Variants in LRRC4C observed in about 807,000 individuals in gnomAD.
LRRC4C encodes leucine rich repeat containing 4C, also known as leucine-rich repeat-containing protein 4C.
A neutral mutation model predicts 33.6 loss-of-function variants in LRRC4C; 5 were observed. The ratio of observed to expected loss-of-function variants is 0.15; its 90% CI spans 0.08 to 0.31. The LOEUF (loss-of-function observed/expected upper bound fraction) is 0.31, where lower values mean the gene tolerates loss of function less well. Ranked by LOEUF, LRRC4C falls within the 10% of genes least tolerant of loss-of-function variation. The pLI is 1.00. For synonymous variants in LRRC4C, 329 were observed against 302.0 expected, an observed-to-expected ratio of 1.09 and a Z score of -0.93; for missense variants, 560 against 796.7, an observed-to-expected ratio of 0.70 and a Z score of 3.58.
rs111471445 is a variant in LRRC4C at position 40,500,495 on chromosome 11, C to T, written c.-270+147647G>A. On this transcript the variant is annotated intron_variant, in intron 3 of 6. Coordinates refer to ENST00000528697, the MANE Select transcript of LRRC4C (RefSeq NM_001258419.2). ...AAATCAGTTTAATGGTGTCACAGTTCCACGTGGCTCAGGAGGCCTCACAAT... is the reference window on the plus strand; with the variant it reads ...AAATCAGTTTAATGGTGTCACAGTTTCACGTGGCTCAGGAGGCCTCACAAT... 6.6e-3 allele frequency among the ~76,000 whole-genome samples: 1,010 copies of T among 151,964 alleles called. 17 individuals are homozygous for T. The highest frequency in any genetic ancestry group is 0.023 in the African/African-American group (969 of 41,432).
intron 2 of LRRC4C, among the ~76,000 whole-genome samples, chr11:40,860,004 T>A (rs1953996008): frequency 6.6e-6 from 1 of 151,856 alleles, no homozygotes; most frequent in Admixed American, 6.6e-5. Flanking sequence ...GAGAATGGCG[T>A]GAACCCGGGA....
At chr11:40,547,099 T>G (rs1956954971) in intron 3 of LRRC4C, among the ~76,000 whole-genome samples, 1 of 152,172 alleles carries the variant, frequency 6.6e-6, no homozygotes, top group Non-Finnish European at 1.5e-5. Context: ...GTTGCTTTAT[T>G]ATAGTAATGC....
rs78089702 is a variant in LRRC4C, at chr11:40,286,592, G to A, written c.-176+33036C>T. On this transcript the variant is annotated intron_variant, in intron 4 of 6. Coordinates refer to ENST00000528697, the MANE Select transcript of LRRC4C (RefSeq NM_001258419.2). The stretch of plus-strand genomic sequence containing the variant: ...ATAAAAGTAAAGCAAAACACTCACA[G>A]AATCTTAAATGTTAAATCTTCCCAT... Among the ~76,000 whole-genome samples the A allele has an allele frequency of 3.1e-3, 478 of 152,202 alleles. 5 individuals carry two copies. The highest frequency in any genetic ancestry group is 0.011 in the African/African-American group (462 of 41,530).
chr11:40,824,596 C>G (rs1313261190), intron 2 of LRRC4C, among the ~76,000 whole-genome samples: 1 of 151,854 alleles, frequency 6.6e-6, no homozygotes, highest in Non-Finnish European at 1.5e-5. Flanking sequence ...TATTATTACT[C>G]ATCTAAATTC....
At chr11:40,700,968 T>C (rs1478046174) in intron 2 of LRRC4C, among the ~76,000 whole-genome samples, 4 of 152,036 alleles carry the variant, frequency 2.6e-5, no homozygotes, top group Non-Finnish European at 5.9e-5. Context: ...AACTGGAGAG[T>C]ACATATTTTC....
intron 2 of LRRC4C, among the ~76,000 whole-genome samples, chr11:40,737,443 A>T (rs752911009): frequency 3.9e-5 from 6 of 152,172 alleles, no homozygotes; most frequent in Non-Finnish European, 8.8e-5. Context: ...CTGTTTGCAG[A>T]TGACATGATT....
chr11:40,864,067 T>TTTA (rs1954234882), intron 2 of LRRC4C, among the ~76,000 whole-genome samples: 1 of 152,038 alleles, frequency 6.6e-6, no homozygotes, highest in African/African-American at 2.4e-5. Flanking sequence ...TTTATATTTA[T>TTTA]TTATTTATTT....
chr11:41,160,422 G>A (rs1054587548), intron 1 of LRRC4C, among the ~76,000 whole-genome samples: 2 of 151,322 alleles, frequency 1.3e-5, no homozygotes, highest in Non-Finnish European at 2.9e-5. Context: ...ACACATGGAA[G>A]TAAGATTATT....
intron 1 of LRRC4C, among the ~76,000 whole-genome samples, chr11:41,377,659 T>C (rs1375244843): frequency 6.6e-6 from 1 of 152,144 alleles, no homozygotes; most frequent in African/African-American, 2.4e-5. Flanking sequence ...TTAGAAAACA[T>C]AGATGATCCT....
At chr11:41,383,090 C>G (rs1249567835) in intron 1 of LRRC4C, among the ~76,000 whole-genome samples, 2 of 152,096 alleles carry the variant, frequency 1.3e-5, no homozygotes, top group South Asian at 4.1e-4. Flanking sequence ...GACACCAAGA[C>G]AGCTTGTGCA....
intron 5 of LRRC4C, among the ~76,000 whole-genome samples, chr11:40,200,409 C>T (rs371970786): frequency 1.3e-5 from 2 of 151,062 alleles, no homozygotes; most frequent in South Asian, 2.1e-4. Flanking sequence ...GTACTTAGAA[C>T]ACACTGCTTC....
chr11:40,616,624 G>A (rs551812767), intron 3 of LRRC4C, among the ~76,000 whole-genome samples: 2 of 151,756 alleles, frequency 1.3e-5, no homozygotes, highest in South Asian at 4.2e-4. Context: ...CATGGATGAA[G>A]CTGGAAACCA....
At chr11:40,204,472 C>G (rs889005126) in intron 5 of LRRC4C, among the ~76,000 whole-genome samples, 2 of 152,024 alleles carry the variant, frequency 1.3e-5, no homozygotes, top group Admixed American at 1.3e-4. Context: ...TTTTTAAAAG[C>G]CTCTTGTCAG....
intron 4 of LRRC4C, among the ~76,000 whole-genome samples, chr11:40,299,336 T>G (rs193119987): frequency 5.1e-4 from 78 of 152,332 alleles, no homozygotes; most frequent in African/African-American, 1.8e-3. Flanking sequence ...TGTACCTATT[T>G]CTCTTTATTA....
chr11:41,149,688 T>A (rs999903091), intron 1 of LRRC4C, among the ~76,000 whole-genome samples: 5 of 152,010 alleles, frequency 3.3e-5, no homozygotes, highest in African/African-American at 1.2e-4. Context: ...TTTGTTAGAT[T>A]TGTCCTTACT....
At chr11:41,365,661 C>A (rs932158236) in intron 1 of LRRC4C, among the ~76,000 whole-genome samples, 1 of 152,134 alleles carries the variant, frequency 6.6e-6, no homozygotes, top group Non-Finnish European at 1.5e-5. Flanking sequence ...TGGTGTTATG[C>A]ATTCAATTTC....
At chr11:41,093,077 A>C (rs941539358) in intron 1 of LRRC4C, among the ~76,000 whole-genome samples, 1 of 152,234 alleles carries the variant, frequency 6.6e-6, no homozygotes, top group Non-Finnish European at 1.5e-5. Flanking sequence ...CCCATAGAGT[A>C]ATCTGTTGAT....
chr11:41,201,908 AT>A (rs1946412023), intron 1 of LRRC4C, among the ~76,000 whole-genome samples: 1 of 64,472 alleles, frequency 1.6e-5, no homozygotes. Context: ...ACACACACAC[AT>A]ACACACACAC....
intron 2 of LRRC4C, among the ~76,000 whole-genome samples, chr11:40,670,198 G>C (rs960966295): frequency 2.0e-5 from 3 of 152,046 alleles, no homozygotes; most frequent in Admixed American, 1.3e-4. Flanking sequence ...TGAAGTCTGG[G>C]GTATCCTATC....
Sources: gnomAD v4.1 joint callset for allele counts (sites outside exome capture counted in the v4.1 genomes callset) on GRCh38, gnomAD v4.1.1 for gene constraint, MANE v1.5 for transcripts, NCBI Gene and HGNC (gene_info 2026-07-23, HGNC 2026-07-21) for gene names.